The following MACROD2 variants were observed in gnomAD, a reference collection of about 807,000 sequenced individuals.
The protein encoded by MACROD2 is ADP-ribose glycohydrolase MACROD2.
A neutral mutation model predicts 70.4 loss-of-function variants in MACROD2; 36 were observed. The ratio of observed to expected loss-of-function variants is 0.51; its 90% CI spans 0.39 to 0.68. The LOEUF is 0.68. Ranked by LOEUF, MACROD2 falls within the 30% of genes least tolerant of loss-of-function variation. The probability of loss-of-function intolerance (pLI) is 0.00; values close to 1 mark genes in which losing one functional copy is unlikely to be tolerated. For synonymous variants in MACROD2, 172 were observed against 178.8 expected (o/e 0.96, Z 0.30); for missense variants, 496 against 538.4 (o/e 0.92, Z 0.78).
chr20:14,519,035 T>G (rs1182007717), intron 4 of MACROD2, among the ~76,000 whole-genome samples: 1 of 152,118 alleles, frequency 6.6e-6, no homozygotes, highest in Non-Finnish European at 1.5e-5. Context: ...TGACTTTAAA[T>G]ATATGAAAAC....
intron 8 of MACROD2, among the ~76,000 whole-genome samples, chr20:15,640,081 GAAA>G (rs1434251729): frequency 6.6e-6 from 1 of 150,892 alleles, no homozygotes; most frequent in East Asian, 2.0e-4. Flanking sequence ...GAAGGTGAGA[GAAA>G]AAAGGAGATA....
At chr20:15,669,741 A>G (rs2049952934) in intron 8 of MACROD2, among the ~76,000 whole-genome samples, 2 of 152,200 alleles carry the variant, frequency 1.3e-5, no homozygotes, top group Non-Finnish European at 1.5e-5. Context: ...AAGCCGAGGT[A>G]ATGTCCTAAA....
chr20:14,545,502 T>C (rs1288895473), intron 4 of MACROD2, among the ~76,000 whole-genome samples: 1 of 152,230 alleles, frequency 6.6e-6, no homozygotes, highest in Non-Finnish European at 1.5e-5. Flanking sequence ...TTTTACCATC[T>C]TCCAGTTTAA....
At chr20:14,996,172 A>G (rs1246313131) in intron 5 of MACROD2, among the ~76,000 whole-genome samples, 3 of 152,310 alleles carry the variant, frequency 2.0e-5, no homozygotes, top group Admixed American at 2.0e-4. Flanking sequence ...GACTTGTACT[A>G]CTAAATATCA....
At chr20:14,449,848 A>G (rs1364310534) in intron 3 of MACROD2, among the ~76,000 whole-genome samples, 1 of 152,122 alleles carries the variant, frequency 6.6e-6, no homozygotes, top group Non-Finnish European at 1.5e-5. Context: ...CTATGTTCTT[A>G]TTAGCAACAC....
intron 5 of MACROD2, among the ~76,000 whole-genome samples, chr20:14,789,761 C>G (rs1197043145): frequency 6.6e-6 from 1 of 151,808 alleles, no homozygotes; most frequent in East Asian, 1.9e-4. Flanking sequence ...CAGGTGTGAG[C>G]CACTGCACCC....
intron 6 of MACROD2, among the ~76,000 whole-genome samples, chr20:15,309,543 CA>C (rs1320784956): frequency 6.6e-6 from 1 of 152,182 alleles, no homozygotes; most frequent in Non-Finnish European, 1.5e-5. Flanking sequence ...TTAGTGCCAG[CA>C]AGCACTAATT....
intron 5 of MACROD2, among the ~76,000 whole-genome samples, chr20:14,797,764 C>A (rs945171271): frequency 6.6e-6 from 1 of 152,030 alleles, no homozygotes; most frequent in African/African-American, 2.4e-5. Flanking sequence ...TTGTACACTA[C>A]CAATTCCATG....
chr20:15,095,643 G>T (rs145096333), intron 5 of MACROD2, among the ~76,000 whole-genome samples: 1 of 151,260 alleles, frequency 6.6e-6, no homozygotes, highest in African/African-American at 2.4e-5. Context: ...TCAGCCTCCC[G>T]AGTAGCTGGG....
At chr20:15,979,931 T>C (rs1568683210) in intron 13 of MACROD2, among the ~76,000 whole-genome samples, 1 of 152,182 alleles carries the variant, frequency 6.6e-6, no homozygotes, top group African/African-American at 2.4e-5. Context: ...AAGGGCTTTA[T>C]TCAGCTGGGA....
intron 5 of MACROD2, among the ~76,000 whole-genome samples, chr20:15,038,524 A>C (rs955327027): frequency 6.6e-6 from 1 of 152,206 alleles, no homozygotes; most frequent in Non-Finnish European, 1.5e-5. Context: ...AAATTATAAA[A>C]TATAGGATGA....
At chr20:15,902,034 C>T (rs778208639) in intron 10 of MACROD2, among the ~76,000 whole-genome samples, 1 of 152,224 alleles carries the variant, frequency 6.6e-6, no homozygotes. Context: ...GCCCTTCCAG[C>T]GATCCACAAG....
intron 6 of MACROD2, among the ~76,000 whole-genome samples, chr20:15,232,904 G>T (rs7264027): frequency 0.16 from 24,979 of 151,660 alleles, 2,503 homozygotes; most frequent in Non-Finnish European, 0.24. Context: ...ATTTTTAATG[G>T]ATGTAAGACA....
chr20:15,908,477 A>T (rs575682220), intron 10 of MACROD2, among the ~76,000 whole-genome samples: 18 of 152,292 alleles, frequency 1.2e-4, no homozygotes, highest in African/African-American at 3.6e-4. Flanking sequence ...ATCTTTTAAA[A>T]TATCCCATAT....
At chr20:14,295,396 G>A (rs1446501012) in intron 3 of MACROD2, among the ~76,000 whole-genome samples, 1 of 151,880 alleles carries the variant, frequency 6.6e-6, no homozygotes, top group African/African-American at 2.4e-5. Context: ...CAATAAGGCC[G>A]GCCCAACAAT....
chr20:14,673,392 G>T (rs1471805131), intron 4 of MACROD2, among the ~76,000 whole-genome samples: 1 of 152,160 alleles, frequency 6.6e-6, no homozygotes, highest in Non-Finnish European at 1.5e-5. Flanking sequence ...TTGGCAGTGT[G>T]TGTCTCTGTT....
chr20:15,321,693 G>A (rs2077874908), intron 6 of MACROD2, among the ~76,000 whole-genome samples: 1 of 144,668 alleles, frequency 6.9e-6, no homozygotes, highest in Non-Finnish European at 1.6e-5. Flanking sequence ...TTTTTGCAAA[G>A]ATAGTGAGAA....
chr20:14,623,089 T>C (rs1983925423), intron 4 of MACROD2: 1 of 151,568 alleles, frequency 6.6e-6, no homozygotes, highest in African/African-American at 2.4e-5. Context: ...CACAGCCCCT[T>C]GTTTTGATGA....
At chr20:14,030,502 G>A (rs1445837429) in intron 2 of MACROD2, among the ~76,000 whole-genome samples, 1 of 151,900 alleles carries the variant, frequency 6.6e-6, no homozygotes, top group Admixed American at 6.6e-5. Flanking sequence ...TCTGCCTCCC[G>A]GGTTCAAGCG....
Sources: allele counts gnomAD v4.1 joint callset (sites outside exome capture counted in the v4.1 genomes callset), GRCh38; gene constraint gnomAD v4.1.1; transcripts MANE v1.5; gene names NCBI Gene and HGNC (gene_info 2026-07-23, HGNC 2026-07-21).